Variants in TNRC6B observed in about 807,000 individuals in gnomAD.
The protein encoded by TNRC6B is trinucleotide repeat-containing gene 6B protein.
TNRC6B carries 52 observed loss-of-function variants against 203.6 expected under a neutral mutation model. That is an observed-to-expected ratio of 0.26 (90% CI 0.20 to 0.32). The LOEUF is 0.32. TNRC6B is among the 10% of genes least tolerant of loss of function. The pLI is 1.00. For missense variants in TNRC6B, 1,923 were observed against 2,286.2 expected (o/e 0.84, Z 3.24); for synonymous variants, 838 against 845.7 (o/e 0.99, Z 0.16).
At position 40,243,147 on chromosome 22, in the gene TNRC6B, G is replaced by A. The variant is rs574050575; in HGVS notation, c.6-2868G>A. On this transcript the variant is annotated intron_variant, in intron 1 of 22. Transcript: ENST00000454349. ...GCCTCCCAAAGTGCTGGGATTACAG[G>A]CGTGAGCCACCGCAACCGGCCTGGA... 3.3e-4 allele frequency among the ~76,000 whole-genome samples: 51 copies of A among 152,268 alleles called. 1 individual carries two copies. Among genetic ancestry groups the A allele is most frequent in the East Asian group, 2.9e-3 (15 of 5,184 alleles).
chr22:40,221,761 C>CCCTT (rs11407329), intron 1 of TNRC6B, among the ~76,000 whole-genome samples: 9 of 134,284 alleles, frequency 6.7e-5, no homozygotes, highest in African/African-American at 2.4e-4. Flanking sequence ...GCCCCCCCCC[C>CCCTT]TTTTTTTTTT....
intron 3 of TNRC6B, chr22:40,253,658 A>G (rs2070227054): frequency 4.4e-6 from 2 of 456,354 alleles, no homozygotes; most frequent in Non-Finnish European, 8.8e-6. Flanking sequence ...CAGTCTCCTA[A>G]GGGATTTAAT....
chr22:40,265,956 A>G lies in TNRC6B; in HGVS notation c.1726A>G (p.Ser576Gly), dbSNP rs2070472858. The G allele has an allele frequency of 1.2e-6, 2 of 1,614,018 alleles. No individual in the cohort carries two copies. The highest frequency in any genetic ancestry group is 1.7e-5 in the Admixed American group (1 of 60,034). The part of the protein sequence containing the change: ...GSEVGGQSTG[S>G]NHKAGSSDSH... ...TGAAGTTGGAGGTCAAAGCACTGGAAGCAACCACAAAGCAGGAAGTAGTGA... is the reference window on the plus strand; with the variant it reads ...TGAAGTTGGAGGTCAAAGCACTGGAGGCAACCACAAAGCAGGAAGTAGTGA... Residue 576 changes from serine to glycine, a missense_variant, in exon 5 of 23, where the codon AGC (serine) becomes GGC (glycine). Ser to Gly is a moderately conservative substitution (Grantham distance 56, BLOSUM62 0). This residue lies in a region of TNRC6B where 614 missense variants were observed against 587.7 expected (regional missense o/e 1.04). Coordinates refer to ENST00000454349, the MANE Select transcript of TNRC6B (RefSeq NM_001162501.2).
intron 1 of TNRC6B, among the ~76,000 whole-genome samples, chr22:40,100,484 T>C (rs978718954): frequency 1.3e-5 from 2 of 151,956 alleles, no homozygotes; most frequent in South Asian, 4.2e-4. Flanking sequence ...GCTCAAGTGA[T>C]CCTCCTGCCC....
intron 3 of TNRC6B, chr22:40,253,588 C>A (rs982842441): frequency 2.0e-5 from 9 of 456,086 alleles, no homozygotes; most frequent in Non-Finnish European, 4.0e-5. Flanking sequence ...CTCCCTACCT[C>A]CCACCACTCC....
At chr22:40,291,887 T>C (rs1398756451) in intron 12 of TNRC6B, among the ~76,000 whole-genome samples, 2 of 152,202 alleles carry the variant, frequency 1.3e-5, no homozygotes, top group African/African-American at 4.8e-5. Flanking sequence ...AATCAGTAGT[T>C]AATGTAAACA....
At chr22:40,164,533 C>T (rs1029654169) in intron 4 of TNRC6B, among the ~76,000 whole-genome samples, 9 of 150,650 alleles carry the variant, frequency 6.0e-5, no homozygotes, top group Non-Finnish European at 1.0e-4. Flanking sequence ...GAGGCCAAGG[C>T]GGGTGGATCA....
chr22:40,118,766 C>T (rs1452007063), intron 2 of TNRC6B, among the ~76,000 whole-genome samples: 3 of 152,074 alleles, frequency 2.0e-5, no homozygotes, highest in Non-Finnish European at 4.4e-5. Context: ...GTAAATAAAT[C>T]CAATAAAGTG....
At position 40,092,331 on chromosome 22, in the gene TNRC6B, A is replaced by G. The variant is rs1329260120; in HGVS notation, c.-120-24724A>G. 2.0e-5 allele frequency among the ~76,000 whole-genome samples: 3 copies of G among 150,532 alleles called. 1 individual carries two copies. Among genetic ancestry groups the G allele is most frequent in the Admixed American group, 2.0e-4 (3 of 15,100 alleles). On this transcript the variant is annotated intron_variant, in intron 1 of 23. Coordinates refer to the TNRC6B transcript ENST00000301923. ...GGTGGGAGAATCATTTGAACCTGGG[A>G]GGCAGAGGTTACAGTGAGCTGAGAT...
At chr22:40,257,242 C>G (rs547841277) in intron 3 of TNRC6B, among the ~76,000 whole-genome samples, 54 of 152,248 alleles carry the variant, frequency 3.5e-4, no homozygotes, top group African/African-American at 1.3e-3. Flanking sequence ...GTTCAGAACC[C>G]TGCCTGGTTT....
intron 1 of TNRC6B, among the ~76,000 whole-genome samples, chr22:40,201,631 C>G (rs2069413304): frequency 6.6e-6 from 1 of 151,750 alleles, no homozygotes; most frequent in Non-Finnish European, 1.5e-5. Context: ...GACAGGGTCT[C>G]GCTGTGTTGC....
intron 1 of TNRC6B, among the ~76,000 whole-genome samples, chr22:40,079,364 C>T (rs1156961326): frequency 1.3e-5 from 2 of 151,950 alleles, no homozygotes; most frequent in Non-Finnish European, 2.9e-5. Context: ...TTTTATAGAC[C>T]GGTGCTTCTG....
intron 4 of TNRC6B, among the ~76,000 whole-genome samples, chr22:40,263,971 T>G (rs2070429511): frequency 6.6e-6 from 1 of 152,194 alleles, no homozygotes; most frequent in African/African-American, 2.4e-5. Context: ...CTGAGCAAAA[T>G]GGCTCTAGAC....
chr22:40,192,905 C>G (rs1569015045), intron 1 of TNRC6B, among the ~76,000 whole-genome samples: 1 of 152,194 alleles, frequency 6.6e-6, no homozygotes, highest in African/African-American at 2.4e-5. Flanking sequence ...AAGGCAGAAG[C>G]TTGGAAGCCA....
chr22:40,253,530 TTC>T, intron 3 of TNRC6B: 3 of 453,472 alleles, frequency 6.6e-6, no homozygotes, highest in South Asian at 1.6e-5. Context: ...ATTGGGGGCT[TTC>T]TCATACCTAC....
intron 1 of TNRC6B, among the ~76,000 whole-genome samples, chr22:40,109,305 G>A (rs1420571481): frequency 6.6e-6 from 1 of 152,116 alleles, no homozygotes; most frequent in Non-Finnish European, 1.5e-5. Context: ...ACCCAGTAAT[G>A]GGATTGCTGG....
At chr22:40,050,925 A>G (rs969018563) in intron 1 of TNRC6B, among the ~76,000 whole-genome samples, 1 of 151,718 alleles carries the variant, frequency 6.6e-6, no homozygotes, top group Non-Finnish European at 1.5e-5. Flanking sequence ...CCTGGGTTCA[A>G]GCAATTCTTC....
In TNRC6B at chr22:40,182,250, A is replaced by AG. The variant is rs536141211; in HGVS notation, c.5+4110_5+4111insG. Among the ~76,000 whole-genome samples, 306 of 152,314 alleles carry AG rather than the reference A, an allele frequency of 2.0e-3. 1 individual carries two copies. The highest frequency in any genetic ancestry group is 7.2e-3 in the African/African-American group (299 of 41,578). On this transcript the variant is annotated intron_variant, in intron 1 of 22. Coordinates refer to ENST00000454349, the MANE Select transcript of TNRC6B (RefSeq NM_001162501.2). ...GTACAGGGAGACTCCGTCTCAAAAAAAAAAGAAAAGAAAAGAAAAAAAAGC... is the reference window on the plus strand; with the variant it reads ...GTACAGGGAGACTCCGTCTCAAAAAAGAAAAGAAAAGAAAAGAAAAAAAAGC...
chr22:40,306,020 C>T (rs1173336606), intron 15 of TNRC6B, among the ~76,000 whole-genome samples: 6 of 152,120 alleles, frequency 3.9e-5, no homozygotes, highest in African/African-American at 7.2e-5. Context: ...TGGCTGGGCG[C>T]GGTGGCTCAC....
Sources: allele counts gnomAD v4.1 joint callset (sites outside exome capture counted in the v4.1 genomes callset), GRCh38; gene constraint gnomAD v4.1.1; regional missense constraint gnomAD v4.1.1; transcripts MANE v1.5; gene names NCBI Gene and HGNC (gene_info 2026-07-23, HGNC 2026-07-21).